DRC11: variants seen among roughly 807,000 people sequenced by gnomAD.
DRC11 encodes the protein dynein regulatory complex subunit 11, also known as IQ and AAA domain-containing protein 1.
At chr2:236,402,331 C>T in the DRC11 span, among the ~76,000 whole-genome samples, 68 of 152,370 alleles carry the variant, frequency 4.5e-4, no homozygotes, top group African/African-American at 1.5e-3. The surrounding 1 kb of genome is among the most constrained non-coding windows in gnomAD (Gnocchi z 6.0). Context: ...TGACTCTCAT[C>T]TGTGGTCTAT....
At chr2:236,487,508 G>GA in the DRC11 span, among the ~76,000 whole-genome samples, 2,681 of 147,940 alleles carry the variant, frequency 0.018, 76 homozygotes, top group African/African-American at 0.055. Flanking sequence ...GCCTCTATTT[G>GA]AAAAAAAAAA....
the DRC11 span, among the ~76,000 whole-genome samples, chr2:236,311,693 G>GGT: frequency 3.7e-5 from 5 of 136,376 alleles, no homozygotes; most frequent in African/African-American, 1.3e-4. This position sits in a 1 kb window ranked among gnomAD's most constrained non-coding sequence, Gnocchi z 6.9. Context: ...AGCTGGATGG[G>GGT]GTGCGTGTGT....
At chr2:236,358,724 G>A in the DRC11 span, among the ~76,000 whole-genome samples, 19,200 of 139,910 alleles carry the variant, frequency 0.14, 1,597 homozygotes, top group Non-Finnish European at 0.19. Flanking sequence ...AGGAATTAAC[G>A]TGCCCATTTT....
chr2:236,392,589 A>T, the DRC11 span, among the ~76,000 whole-genome samples: 1 of 152,190 alleles, frequency 6.6e-6, no homozygotes, highest in Non-Finnish European at 1.5e-5. This position sits in a 1 kb window ranked among gnomAD's most constrained non-coding sequence, Gnocchi z 5.1. Context: ...AAAAATATTG[A>T]GTTTTAGTTT....
At chr2:236,357,432 G>GTATATGTATATTTAT in the DRC11 span, among the ~76,000 whole-genome samples, 2 of 123,724 alleles carry the variant, frequency 1.6e-5, no homozygotes, top group African/African-American at 6.5e-5. Flanking sequence ...AATTTACATA[G>GTATATGTATATTTAT]TATATGTATA....
At chr2:236,395,132 G>T in the DRC11 span, among the ~76,000 whole-genome samples, 2 of 152,284 alleles carry the variant, frequency 1.3e-5, no homozygotes, top group East Asian at 3.9e-4. Flanking sequence ...CACAGCGCTG[G>T]GGGTGGGAAG....
chr2:236,351,407 A>AG, the DRC11 span, among the ~76,000 whole-genome samples: 27 of 152,084 alleles, frequency 1.8e-4, no homozygotes, highest in Non-Finnish European at 1.2e-4. The surrounding 1 kb of genome is among the most constrained non-coding windows in gnomAD (Gnocchi z 7.3). Context: ...TGGTCTGGAG[A>AG]GGGGGAAGCA....
At chr2:236,447,713 G>A in the DRC11 span, among the ~76,000 whole-genome samples, 1 of 152,184 alleles carries the variant, frequency 6.6e-6, no homozygotes, top group Non-Finnish European at 1.5e-5. This position sits in a 1 kb window ranked among gnomAD's most constrained non-coding sequence, Gnocchi z 4.6. Context: ...AGATTTGGGT[G>A]AAATGAGAGA....
At chr2:236,408,460 ATGGGCTGCTCTAGCCTC>A in the DRC11 span, 10 of 740,074 alleles carry the variant, frequency 1.4e-5, no homozygotes, top group East Asian at 2.5e-4. This position sits in a 1 kb window ranked among gnomAD's most constrained non-coding sequence, Gnocchi z 5.5. Flanking sequence ...GTTCACAGGT[ATGGGCTGCTCTAGCCTC>A]TCCCGGCCCC....
At chr2:236,346,505 C>T in the DRC11 span, among the ~76,000 whole-genome samples, 1 of 152,220 alleles carries the variant, frequency 6.6e-6, no homozygotes, top group Non-Finnish European at 1.5e-5. Context: ...ACAATCTGTG[C>T]TGGCAGCTGA....
the DRC11 span, among the ~76,000 whole-genome samples, chr2:236,320,372 C>T: frequency 6.6e-6 from 1 of 152,154 alleles, no homozygotes; most frequent in East Asian, 1.9e-4. Context: ...CCCACAGTAT[C>T]ATTAGTGGCT....
the DRC11 span, among the ~76,000 whole-genome samples, chr2:236,379,314 G>C: frequency 7.0e-6 from 1 of 142,606 alleles, no homozygotes; most frequent in African/African-American, 2.7e-5. Context: ...ACAGGGGAGC[G>C]ACAGGACCAA....
chr2:236,395,969 C>T, the DRC11 span, among the ~76,000 whole-genome samples: 1 of 152,184 alleles, frequency 6.6e-6, no homozygotes, highest in Non-Finnish European at 1.5e-5. Context: ...TATGTAGAAA[C>T]AGTTGTACGG....
the DRC11 span, among the ~76,000 whole-genome samples, chr2:236,373,354 G>A: frequency 4.4e-4 from 67 of 151,488 alleles, no homozygotes; most frequent in Middle Eastern, 0.017. Context: ...GGCTTCAAGC[G>A]ATTCTCCTGC....
the DRC11 span, among the ~76,000 whole-genome samples, chr2:236,312,789 TA>T: frequency 6.6e-6 from 1 of 151,658 alleles, no homozygotes. Context: ...AAAGGAAAGA[TA>T]AAGCCCTGAT....
chr2:236,465,828 G>T, the DRC11 span: 10 of 668,968 alleles, frequency 1.5e-5, no homozygotes, highest in South Asian at 1.9e-4. This position sits in a 1 kb window ranked among gnomAD's most constrained non-coding sequence, Gnocchi z 6.2. Context: ...AGGCAAATAA[G>T]AAATACAAGC....
the DRC11 span, among the ~76,000 whole-genome samples, chr2:236,357,697 CTG>C: frequency 1.2e-5 from 1 of 84,118 alleles, no homozygotes; most frequent in Non-Finnish European, 2.6e-5. Context: ...ATGTAAATAT[CTG>C]ATATGTAAAT....
At chr2:236,419,783 T>C in the DRC11 span, among the ~76,000 whole-genome samples, 3 of 152,196 alleles carry the variant, frequency 2.0e-5, no homozygotes, top group Admixed American at 1.3e-4. The surrounding 1 kb of genome is among the most constrained non-coding windows in gnomAD (Gnocchi z 4.8). Context: ...CCTTTTATCC[T>C]CCTAAATTAT....
At chr2:236,388,516 C>G in the DRC11 span, among the ~76,000 whole-genome samples, 1 of 151,834 alleles carries the variant, frequency 6.6e-6, no homozygotes. Context: ...GCTCCATCAG[C>G]TCCTTTAAGC....
Sources: allele counts gnomAD v4.1 joint callset (sites outside exome capture counted in the v4.1 genomes callset), GRCh38; gene constraint gnomAD v4.1.1; non-coding constraint Gnocchi (gnomAD v3.1); transcripts MANE v1.5; gene names NCBI Gene and HGNC (gene_info 2026-07-23, HGNC 2026-07-21).